Variants in SNX1 observed in about 807,000 individuals in gnomAD.
The protein encoded by SNX1 is sorting nexin 1, also known as sorting nexin-1.
SNX1 carries 36 observed loss-of-function variants against 71.8 expected under a neutral mutation model. That is an observed-to-expected ratio of 0.50 (90% CI 0.38 to 0.66). The LOEUF is 0.66. SNX1 is among the 30% of genes least tolerant of loss of function. SNX1 has a pLI of 0.00. For missense variants in SNX1, 612 were observed against 646.7 expected (o/e 0.95, Z 0.58); for synonymous variants, 254 against 240.7 (o/e 1.06, Z -0.51).
intron 2 of SNX1, among the ~76,000 whole-genome samples, chr15:64,117,380 A>G (rs1035264901): frequency 2.0e-5 from 3 of 151,790 alleles, no homozygotes; most frequent in Non-Finnish European, 4.4e-5. Context: ...TCAACCTCCC[A>G]GTAGCTAGGA....
chr15:64,109,541 G>A (rs887220898), intron 1 of SNX1, among the ~76,000 whole-genome samples: 1 of 151,790 alleles, frequency 6.6e-6, no homozygotes, highest in Non-Finnish European at 1.5e-5. Flanking sequence ...ACAGAGTCTC[G>A]TTCTGTTGTC....
chr15:64,103,487 T>A (rs2080985739), intron 1 of SNX1, among the ~76,000 whole-genome samples: 1 of 152,224 alleles, frequency 6.6e-6, no homozygotes, highest in East Asian at 1.9e-4. Flanking sequence ...ATGAAAATTG[T>A]ATGGTTTGGG....
At chr15:64,127,130 T>C (rs769094004) in intron 6 of SNX1, 44 bp from the exon 7 acceptor site, 2 of 1,464,104 alleles carry the variant, frequency 1.4e-6, no homozygotes, top group Non-Finnish European at 1.9e-6. Context: ...TTTATCCTCT[T>C]CATGATGATT....
At chr15:64,104,056 A>G (rs906832614) in intron 1 of SNX1, among the ~76,000 whole-genome samples, 1 of 152,166 alleles carries the variant, frequency 6.6e-6, no homozygotes, top group Non-Finnish European at 1.5e-5. Flanking sequence ...TGTGGTAAAT[A>G]TATTCTTGAA....
In SNX1 at chr15:64,127,194, G is replaced by A. The variant is rs977537377; in HGVS notation, c.673G>A (p.Gly225Arg). 1 of 1,613,454 alleles carries A rather than the reference G, an allele frequency of 6.2e-7. No homozygotes were observed. Residue 225 changes from glycine to arginine, a missense_variant, in exon 7 of 15, where the codon GGG (glycine) becomes AGG (arginine). This residue lies in a region of SNX1 where 316 missense variants were observed against 284.9 expected (regional missense o/e 1.11). Transcript: ENST00000559844. ...TCTAGGGATGACAAAAGTGAAAGTT[G>A]GGAAGGAAGATTCTTCTTCTGCAGA... ...SLIGMTKVKV[G>R]KEDSSSAEFL...
rs1476375699 is a variant in SNX1 at position 64,134,846 on chromosome 15, T to C, written c.1365+39T>C. 1.9e-6 allele frequency: 3 copies of C among 1,609,464 alleles called. No homozygotes were observed. The African/African-American group carries it at 4.0e-5, about 21-fold the overall frequency. Reference sequence around the variant, plus strand: ...GGCAGCCCAGCCAGGGGTGTTCTGCTGGTTCCAAATGAACCCAGGGCCCAT... The same window carrying C: ...GGCAGCCCAGCCAGGGGTGTTCTGCCGGTTCCAAATGAACCCAGGGCCCAT... On this transcript the variant is annotated intron_variant, in intron 12 of 14. Transcript: ENST00000559844. This position sits in a 1 kb window ranked among gnomAD's most constrained non-coding sequence, Gnocchi z 4.1.
Position 64,136,876 on chromosome 15 carries a change from G to A in SNX1, c.1462G>A (p.Asp488Asn), listed in dbSNP as rs762506335. The change falls in exon 14 of 15, where the codon GAC becomes AAC. Residue 488 changes from aspartate (D) to asparagine (N), a missense_variant. Asp to Asn is a conservative substitution (Grantham distance 23, BLOSUM62 1). Coordinates refer to ENST00000559844, the MANE Select transcript of SNX1 (RefSeq NM_003099.5). ...VIRFEKEKSK[D>N]FKNHVIKYLE... ...TGTCTCCTAGAAAGAGAAATCCAAGGACTTCAAGAACCACGTGATCAAGTA... is the reference window on the plus strand; with the variant it reads ...TGTCTCCTAGAAAGAGAAATCCAAGAACTTCAAGAACCACGTGATCAAGTA... The A allele has an allele frequency of 1.1e-5, 17 of 1,613,572 alleles. No homozygotes were observed. The highest frequency in any genetic ancestry group is 1.4e-5 in the Non-Finnish European group (16 of 1,179,730).
In SNX1 at chr15:64,096,142, G is replaced by A. The variant is rs997632715; in HGVS notation, c.129G>A (p.Gly43=). 1 of 1,554,030 alleles carries A rather than the reference G, an allele frequency of 6.4e-7. No individual in the cohort carries two copies. The highest frequency in any genetic ancestry group is 1.4e-5 in the African/African-American group (1 of 73,378). The change falls in exon 1 of 15, where the codon GGG becomes GGA. Residue 43 remains glycine (G), a synonymous_variant. Coordinates refer to ENST00000559844, the MANE Select transcript of SNX1 (RefSeq NM_003099.5). ...AGGCTGGGGACAGCGACACCGAGGG[G>A]GAGGACATTTTCACCGGCGCCGCGG... ...EPEAGDSDTE[G]EDIFTGAAVV...
At position 64,143,616 on chromosome 15, in the gene SNX1, G is replaced by C. The variant is rs548901030; in HGVS notation, c.*5998G>C. 5 of 152,382 alleles carry C rather than the reference G, an allele frequency of 3.3e-5. No individual in the cohort carries two copies. In the South Asian group the frequency reaches 6.2e-4, roughly 19 times the overall value. 9.4% of individuals were successfully genotyped at this position (152,382 alleles called of 1,614,324 possible). ...TGCAAATGTGCTACTTCTCACTTCT[G>C]TGTGGCCCGAGGAGGCTGGGTTAAT... On this transcript the variant is annotated 3_prime_UTR_variant, in exon 15 of 15. Coordinates refer to ENST00000559844, the MANE Select transcript of SNX1 (RefSeq NM_003099.5).
At chr15:64,127,948 C>G in intron 8 of SNX1, 142 bp downstream of exon 8, 1 of 623,084 alleles carries the variant, frequency 1.6e-6, no homozygotes. Context: ...CTGAGAGTGA[C>G]AAGTATTTTT....
chr15:64,099,528 T>G (rs1031139056), intron 1 of SNX1, among the ~76,000 whole-genome samples: 14 of 152,196 alleles, frequency 9.2e-5, no homozygotes, highest in Non-Finnish European at 2.1e-4. Context: ...GGCATAAGCC[T>G]GTAGTCCCGC....
intron 1 of SNX1, among the ~76,000 whole-genome samples, chr15:64,109,259 G>A (rs927365350): frequency 3.3e-5 from 5 of 151,730 alleles, no homozygotes; most frequent in African/African-American, 4.8e-5. Context: ...TGTAGTCCCA[G>A]CTACTTGGGA....
intron 1 of SNX1, among the ~76,000 whole-genome samples, chr15:64,104,473 C>T (rs958353561): frequency 6.6e-6 from 1 of 152,034 alleles, no homozygotes; most frequent in African/African-American, 2.4e-5. Context: ...CAGGGTTTCA[C>T]CGTGTTAGCC....
In SNX1 at chr15:64,142,748, G is replaced by C. The variant is rs1474174447; in HGVS notation, c.*5130G>C. ...GTGCTGAAGATGAGGACTGGACTTCGAGCTGGTGTGATCCCAGTATTCAGT... is the reference window on the plus strand; with the variant it reads ...GTGCTGAAGATGAGGACTGGACTTCCAGCTGGTGTGATCCCAGTATTCAGT... On this transcript the variant is annotated 3_prime_UTR_variant, in exon 15 of 15. Transcript: ENST00000559844. The C allele has an allele frequency of 2.2e-6, 1 of 455,082 alleles. No homozygotes were observed. The highest frequency in any genetic ancestry group is 4.4e-6 in the Non-Finnish European group (1 of 226,472). The allele number at this position is 455,082 out of a possible 1,614,324, so 28.2% of individuals were successfully genotyped here. A position where few individuals can be genotyped will look rare whatever the true frequency, so the allele number is the denominator to read the frequency against.
At chr15:64,096,754 C>T (rs2080906510) in intron 1 of SNX1, among the ~76,000 whole-genome samples, 1 of 152,184 alleles carries the variant, frequency 6.6e-6, no homozygotes, top group African/African-American at 2.4e-5. Flanking sequence ...CCAGATAAAT[C>T]ACTACATAGA....
intron 2 of SNX1, among the ~76,000 whole-genome samples, chr15:64,115,980 T>C (rs2081125033): frequency 6.6e-6 from 1 of 152,256 alleles, no homozygotes; most frequent in Admixed American, 6.5e-5. Flanking sequence ...GTTCATTATA[T>C]GTATAGTTAG....
rs1190203217 is a variant in SNX1, at chr15:64,123,549, G to A, written c.510+3G>A. 6.2e-7 allele frequency: 1 copy of A among 1,612,972 alleles called. No individual in the cohort carries two copies. Among genetic ancestry groups the A allele is most frequent in the South Asian group, 1.1e-5 (1 of 91,038 alleles). On this transcript the variant is annotated splice_donor_region_variant and intron_variant, in intron 5 of 14. Coordinates refer to ENST00000559844, the MANE Select transcript of SNX1 (RefSeq NM_003099.5). ...TAGCCTACAAAGTTACAACACAGGT[G>A]AGTCCAGGTGACCCTGCTGATGACC...
rs898995663 is a variant in SNX1, at chr15:64,140,713, A to G, written c.*3095A>G. ...ATTCTCCTGCCTCAGCCTTCCAAGT[A>G]GCTGGGATTACAGGTGCCTGCCCCC... is the stretch of plus-strand genomic sequence containing the variant. On this transcript the variant is annotated 3_prime_UTR_variant, in exon 15 of 15. Coordinates refer to ENST00000559844, the MANE Select transcript of SNX1 (RefSeq NM_003099.5). The G allele has an allele frequency of 6.6e-6, 1 of 152,188 alleles. No individual in the cohort carries two copies. The highest frequency in any genetic ancestry group is 1.5e-5 in the Non-Finnish European group (1 of 68,060). 9.4% of individuals were successfully genotyped at this position (152,188 alleles called of 1,614,324 possible).
At chr15:64,114,569 G>T (rs145687938) in intron 2 of SNX1, among the ~76,000 whole-genome samples, 69 of 152,312 alleles carry the variant, frequency 4.5e-4, no homozygotes, top group African/African-American at 1.6e-3. Flanking sequence ...GAAGACAAGA[G>T]CTGGACATAT....
Sources: gnomAD v4.1 joint callset for allele counts (sites outside exome capture counted in the v4.1 genomes callset) on GRCh38, gnomAD v4.1.1 for gene constraint, gnomAD v4.1.1 regional missense constraint, Gnocchi (gnomAD v3.1) non-coding constraint, MANE v1.5 for transcripts, NCBI Gene and HGNC (gene_info 2026-07-23, HGNC 2026-07-21) for gene names.